PDS5A: variants seen among roughly 807,000 people sequenced by gnomAD.
PDS5A encodes PDS5 cohesin associated factor A, also known as sister chromatid cohesion protein PDS5 homolog A.
PDS5A carries 42 observed loss-of-function variants against 167.1 expected under a neutral mutation model. That is an observed-to-expected ratio of 0.25 (90% CI 0.20 to 0.33). The LOEUF is 0.33. Among genes scored for constraint, PDS5A ranks in the 10% least tolerant of loss-of-function variants. The pLI is 1.00. For missense variants in PDS5A, 1,033 were observed against 1,605.9 expected (o/e 0.64, Z 6.10); for synonymous variants, 553 against 554.6 (o/e 1.00, Z 0.04).
intron 9 of PDS5A, among the ~76,000 whole-genome samples, chr4:39,911,037 G>A (rs1723839091): frequency 6.6e-6 from 1 of 152,076 alleles, no homozygotes; most frequent in African/African-American, 2.4e-5. Flanking sequence ...GGGAGGGTGA[G>A]GTGGAAGGAC....
chr4:39,863,231 G>C (rs1418613379), intron 24 of PDS5A, 105 bp downstream of exon 24: 2 of 956,036 alleles, frequency 2.1e-6, no homozygotes, highest in Non-Finnish European at 3.1e-6. Flanking sequence ...TAATAGTAGT[G>C]ACTTTTGTGC....
intron 2 of PDS5A, among the ~76,000 whole-genome samples, chr4:39,942,569 G>C (rs1169686755): frequency 6.6e-6 from 1 of 152,088 alleles, no homozygotes; most frequent in Non-Finnish European, 1.5e-5. Context: ...TTGGACTAAA[G>C]TCATGCACCA....
chr4:39,858,499 G>T (rs941242229), intron 26 of PDS5A, among the ~76,000 whole-genome samples: 6 of 152,092 alleles, frequency 3.9e-5, no homozygotes, highest in Non-Finnish European at 1.5e-5. Context: ...GGAAAAACTG[G>T]ATATTCACAA....
intron 2 of PDS5A, among the ~76,000 whole-genome samples, chr4:39,939,605 C>A (rs1363051205): frequency 6.6e-6 from 1 of 152,072 alleles, no homozygotes; most frequent in Admixed American, 6.6e-5. Flanking sequence ...ACCAGCCTGG[C>A]CAACATGCTG....
intron 12 of PDS5A, 60 bp from the exon 13 acceptor site, chr4:39,902,520 CA>C: frequency 2.5e-6 from 2 of 807,276 alleles, no homozygotes; most frequent in African/African-American, 1.8e-5. Flanking sequence ...TTTTAAGAAG[CA>C]ATTTTTTTTT....
At chr4:39,881,713 CCTAGG>C (rs1720944563) in intron 17 of PDS5A, among the ~76,000 whole-genome samples, 1 of 152,122 alleles carries the variant, frequency 6.6e-6, no homozygotes, top group Non-Finnish European at 1.5e-5. Flanking sequence ...TCCCTCCAGC[CCTAGG>C]CATTTACTAA....
intron 2 of PDS5A, among the ~76,000 whole-genome samples, chr4:39,950,607 T>C (rs1028999166): frequency 1.3e-5 from 2 of 152,084 alleles, no homozygotes; most frequent in Admixed American, 6.6e-5. Context: ...GTTTTTGAGA[T>C]GGAGTCTTGC....
intron 10 of PDS5A, among the ~76,000 whole-genome samples, chr4:39,909,326 T>C (rs1309409169): frequency 3.3e-5 from 5 of 152,148 alleles, no homozygotes; most frequent in African/African-American, 1.2e-4. Context: ...GGTTTCACCA[T>C]GTTGGCCAGG....
At chr4:39,973,097 A>G (rs201034447) in intron 2 of PDS5A, 1 of 562,482 alleles carries the variant, frequency 1.8e-6, no homozygotes, top group African/African-American at 2.5e-5. Context: ...TTGGTGAAGC[A>G]CAAGTTTCTT....
chr4:39,840,202 A>G (rs1336012717), intron 31 of PDS5A, among the ~76,000 whole-genome samples: 1 of 152,222 alleles, frequency 6.6e-6, no homozygotes, highest in African/African-American at 2.4e-5. Flanking sequence ...TGGCAGAGCC[A>G]AGAGGCAAAA....
intron 32 of PDS5A, among the ~76,000 whole-genome samples, chr4:39,832,459 C>T (rs575477047): frequency 2.0e-5 from 3 of 152,006 alleles, no homozygotes; most frequent in South Asian, 4.2e-4. Context: ...GTGATCCACC[C>T]GCCTCCCAAA....
chr4:39,905,085 G>A (rs1560470226), intron 11 of PDS5A, among the ~76,000 whole-genome samples: 1 of 152,124 alleles, frequency 6.6e-6, no homozygotes, highest in South Asian at 2.1e-4. Flanking sequence ...CATCGCTTGA[G>A]CTCAGGACTT....
At chr4:39,890,511 G>C (rs750499927) in intron 16 of PDS5A, 147 bp from the exon 17 acceptor site, 1 of 554,716 alleles carries the variant, frequency 1.8e-6, no homozygotes, top group Non-Finnish European at 3.2e-6. Context: ...TTTACACCCC[G>C]AGCAATGACT....
chr4:39,854,040 G>A (rs1377299798), intron 26 of PDS5A, among the ~76,000 whole-genome samples: 13 of 152,110 alleles, frequency 8.5e-5, no homozygotes, highest in Admixed American at 8.5e-4. Context: ...GGTGGCTCAC[G>A]CCTGTAATCC....
In PDS5A at chr4:39,890,380, A is replaced by C. The variant is rs370836297; in HGVS notation, c.1771-16T>G. 1 of 1,344,894 alleles carries C rather than the reference A, an allele frequency of 7.4e-7. No individual in the cohort carries two copies. Among genetic ancestry groups the C allele is most frequent in the African/African-American group, 1.5e-5 (1 of 68,898 alleles). 83.3% of individuals were successfully genotyped at this position (1,344,894 alleles called of 1,614,324 possible). A position where few individuals can be genotyped will look rare whatever the true frequency, so the allele number is the denominator to read the frequency against. On this transcript the variant is annotated splice_polypyrimidine_tract_variant and intron_variant, in intron 16 of 32. Coordinates refer to ENST00000303538, the MANE Select transcript of PDS5A (RefSeq NM_001100399.2). ...CTATTTCTCTCTATAGAAAGAAAGG[A>C]GTTTTACCAAAAACGTGATTTGCTT...
intron 32 of PDS5A, among the ~76,000 whole-genome samples, chr4:39,826,759 A>G (rs559752326): frequency 2.6e-5 from 4 of 152,214 alleles, no homozygotes; most frequent in African/African-American, 9.6e-5. Flanking sequence ...TGCTGGGATT[A>G]CAGGCATGAA....
intron 2 of PDS5A, among the ~76,000 whole-genome samples, chr4:39,964,852 A>T (rs1335359240): frequency 6.6e-6 from 1 of 152,120 alleles, no homozygotes; most frequent in Non-Finnish European, 1.5e-5. Flanking sequence ...CTGAGGCAGG[A>T]CAATCGCTTG....
chr4:39,942,992 A>C (rs762484409), intron 2 of PDS5A, among the ~76,000 whole-genome samples: 27 of 152,108 alleles, frequency 1.8e-4, no homozygotes, highest in Admixed American at 2.0e-4. Flanking sequence ...ACACTAAGAC[A>C]TATGTACAAG....
intron 17 of PDS5A, among the ~76,000 whole-genome samples, chr4:39,889,635 G>A (rs1003418339): frequency 1.3e-5 from 2 of 152,144 alleles, no homozygotes; most frequent in Non-Finnish European, 2.9e-5. Context: ...ATGAGAATAC[G>A]TAATAAAAAA....
Sources: gnomAD v4.1 joint callset for allele counts (sites outside exome capture counted in the v4.1 genomes callset) on GRCh38, gnomAD v4.1.1 for gene constraint, MANE v1.5 for transcripts, NCBI Gene and HGNC (gene_info 2026-07-23, HGNC 2026-07-21) for gene names.